The following SUCO variants were observed in gnomAD, a reference collection of about 807,000 sequenced individuals.
SUCO encodes the protein SUN domain-containing ossification factor.
Under a neutral mutation model 148.1 loss-of-function variants are expected in SUCO, and 57 were observed. The ratio of observed to expected loss-of-function variants is 0.38; its 90% CI spans 0.31 to 0.48. SUCO has a LOEUF of 0.48. SUCO is among the 20% of genes least tolerant of loss of function. The pLI is 0.96. For missense variants in SUCO, 1,331 were observed against 1,468.2 expected (o/e 0.91, Z 1.53); for synonymous variants, 470 against 502.7 (o/e 0.93, Z 0.87).
At chr1:172,592,255 T>C (rs1274115622) in intron 19 of SUCO, among the ~76,000 whole-genome samples, 1 of 152,232 alleles carries the variant, frequency 6.6e-6, no homozygotes, top group Non-Finnish European at 1.5e-5. Flanking sequence ...TAGTTTCTTT[T>C]GCTGTGCAGA....
At chr1:172,559,479 G>T (rs771382410) in intron 6 of SUCO, among the ~76,000 whole-genome samples, 1 of 152,156 alleles carries the variant, frequency 6.6e-6, no homozygotes, top group Non-Finnish European at 1.5e-5. Flanking sequence ...TCTTGGCTTA[G>T]CCCAGGAAAG....
chr1:172,595,958 T>A (rs998649038), intron 19 of SUCO, among the ~76,000 whole-genome samples: 2 of 152,228 alleles, frequency 1.3e-5, no homozygotes, highest in Non-Finnish European at 2.9e-5. Flanking sequence ...CCATATTTCT[T>A]GGAGTCCTTG....
rs545378461 is a variant in SUCO at position 172,602,492 on chromosome 1, A to T, written c.3174-204A>T. ...GCTTAAATGTGGAATTCAAAGGAAGAAGAGAATACTATTTTAATACAGTAC... is the reference window on the plus strand; with the variant it reads ...GCTTAAATGTGGAATTCAAAGGAAGTAGAGAATACTATTTTAATACAGTAC... On this transcript the variant is annotated intron_variant, in intron 21 of 23. Transcript: ENST00000263688. 1.2e-5 allele frequency: 12 copies of T among 982,486 alleles called. 1 individual carries two copies. In the Admixed American group the frequency reaches 7.4e-4, roughly 60 times the overall value. The allele number at this position is 982,486 out of a possible 1,614,324, so 60.9% of individuals were successfully genotyped here.
At chr1:172,558,661 T>A (rs1458634062) in intron 6 of SUCO, among the ~76,000 whole-genome samples, 1 of 152,208 alleles carries the variant, frequency 6.6e-6, no homozygotes, top group Non-Finnish European at 1.5e-5. Context: ...CTTACAAATA[T>A]AGGAGCTCAG....
intron 1 of SUCO, among the ~76,000 whole-genome samples, chr1:172,548,830 T>A (rs1653062532): frequency 6.6e-6 from 1 of 151,972 alleles, no homozygotes; most frequent in Non-Finnish European, 1.5e-5. Flanking sequence ...TGTTTTAATT[T>A]ATATGTGGTA....
chr1:172,611,209 T>G lies in SUCO; in HGVS notation c.*950T>G, dbSNP rs978998606. 2.0e-5 allele frequency: 3 copies of G among 152,644 alleles called. No homozygotes were observed. Among genetic ancestry groups the G allele is most frequent in the Non-Finnish European group, 4.4e-5 (3 of 68,046 alleles). 9.5% of individuals were successfully genotyped at this position (152,644 alleles called of 1,614,324 possible). A position where few individuals can be genotyped will look rare whatever the true frequency, so the allele number is the denominator to read the frequency against. On this transcript the variant is annotated 3_prime_UTR_variant, in exon 24 of 24. Transcript: ENST00000263688. ...TGCACAGATCCAGTTAGTGAGTTTG[T>G]CAAGCTTAATCTAATTGGTTAAGTC...
rs761218288 is a variant in SUCO, at chr1:172,589,344, A to T, written c.2243A>T (p.Glu748Val). The change falls in exon 18 of 24, where the codon GAA becomes GTA. Residue 748 changes from glutamate to valine, a missense_variant. Transcript: ENST00000263688. Reference sequence around the variant, plus strand: ...GAAATCAATCCCTTGCCTAAAATAGAAGTATCTGAGTCTGTTGAATATGAG... The same window carrying T: ...GAAATCAATCCCTTGCCTAAAATAGTAGTATCTGAGTCTGTTGAATATGAG... Reference protein sequence around the residue: ...TPEINPLPKIEVSESVEYEAG... With the variant: ...TPEINPLPKIVVSESVEYEAG... The T allele has an allele frequency of 1.9e-6, 3 of 1,613,516 alleles. No homozygotes were observed. Among genetic ancestry groups the T allele is most frequent in the African/African-American group, 2.7e-5 (2 of 74,882 alleles).
At chr1:172,583,037 A>T (rs1655984811) in intron 15 of SUCO, among the ~76,000 whole-genome samples, 1 of 152,178 alleles carries the variant, frequency 6.6e-6, no homozygotes, top group African/African-American at 2.4e-5. Context: ...CAAAGTATAT[A>T]AACTGTTGAT....
rs548969698 is a variant in SUCO at position 172,609,346 on chromosome 1, A to G, written c.3322-470A>G. The G allele has an allele frequency of 2.0e-5, 20 of 984,994 alleles. No individual in the cohort carries two copies. The African/African-American group carries it at 3.5e-4, about 17-fold the overall frequency. The allele number at this position is 984,994 out of a possible 1,614,324, so 61.0% of individuals were successfully genotyped here. A position where few individuals can be genotyped will look rare whatever the true frequency, so the allele number is the denominator to read the frequency against. On this transcript the variant is annotated intron_variant, in intron 23 of 23. Transcript: ENST00000263688. ...TTTTAGTTGTAATTTCATCTAGGTG[A>G]AAGAACTTGGGCTTTGTAGGCAAAT...
intron 22 of SUCO, among the ~76,000 whole-genome samples, chr1:172,606,254 T>C (rs1657856865): frequency 6.7e-6 from 1 of 149,230 alleles, no homozygotes. Context: ...TTATAAAAAT[T>C]AGATGGGCAG....
chr1:172,590,710 A>G (rs776056217), intron 18 of SUCO, among the ~76,000 whole-genome samples: 7 of 151,626 alleles, frequency 4.6e-5, no homozygotes, highest in Non-Finnish European at 8.8e-5. Flanking sequence ...TTGGCTAATC[A>G]TGTGTGTGTG....
At chr1:172,540,679 A>G (rs1344353370) in intron 1 of SUCO, among the ~76,000 whole-genome samples, 2 of 152,198 alleles carry the variant, frequency 1.3e-5, no homozygotes, top group Non-Finnish European at 2.9e-5. Context: ...TTCTGTGCAA[A>G]CAGGAGCTTC....
chr1:172,569,932 C>T, intron 7 of SUCO, 115 bp from the exon 8 acceptor site: 1 of 1,003,422 alleles, frequency 1.0e-6, no homozygotes. Flanking sequence ...AGTGTTAAAA[C>T]CTATTCTTTT....
intron 6 of SUCO, among the ~76,000 whole-genome samples, chr1:172,567,211 CTAAA>C (rs1654615213): frequency 6.6e-6 from 1 of 152,200 alleles, no homozygotes; most frequent in African/African-American, 2.4e-5. Context: ...CAAATATAAA[CTAAA>C]TGAGACTTAT....
At chr1:172,536,256 A>ACCGTAGTC (rs58427189) in intron 1 of SUCO, among the ~76,000 whole-genome samples, 1 of 152,128 alleles carries the variant, frequency 6.6e-6, no homozygotes, top group African/African-American at 2.4e-5. Context: ...GCTCCTGAGT[A>ACCGTAGTC]CTTTATAGGT....
chr1:172,533,391 C>A lies in SUCO; in HGVS notation c.-45C>A. On this transcript the variant is annotated 5_prime_UTR_variant, in exon 1 of 24. Coordinates refer to ENST00000263688, the MANE Select transcript of SUCO (RefSeq NM_014283.5). ...TCTTGGCCTCGGCAGTGGCGGCTGC[C>A]GGGAGGATGTGCCGCCTTCTGGCAG... The A allele has an allele frequency of 6.4e-7, 1 of 1,551,834 alleles. No individual in the cohort carries two copies. The highest frequency in any genetic ancestry group is 8.7e-7 in the Non-Finnish European group (1 of 1,147,152).
At chr1:172,564,218 A>G (rs1654393516) in intron 6 of SUCO, among the ~76,000 whole-genome samples, 1 of 152,244 alleles carries the variant, frequency 6.6e-6, no homozygotes, top group Admixed American at 6.5e-5. Flanking sequence ...CCCAATCCCC[A>G]GCATCCCCAC....
chr1:172,605,082 C>T (rs903310907), intron 22 of SUCO, among the ~76,000 whole-genome samples: 2 of 151,608 alleles, frequency 1.3e-5, no homozygotes, highest in Non-Finnish European at 3.0e-5. Context: ...GATTATAACC[C>T]CCATTAGATA....
Position 172,589,290 on chromosome 1 carries a change from C to T in SUCO, c.2189C>T (p.Ser730Phe). 1 of 1,613,632 alleles carries T rather than the reference C, an allele frequency of 6.2e-7. No homozygotes were observed. ...ELEPSHSQTLSQSLLLDITPE... is the reference protein window; with the variant it reads ...ELEPSHSQTLFQSLLLDITPE... ...GAACCAAGCCATTCTCAAACTCTTT[C>T]TCAGTCTCTTCTTTTAGATATTACC... Residue 730 changes from serine (S) to phenylalanine (F), a missense_variant, in exon 18 of 24, where the codon TCT becomes TTT. This residue lies in a region of SUCO where 992 missense variants were observed against 1,093.5 expected (regional missense o/e 0.91). Coordinates refer to ENST00000263688, the MANE Select transcript of SUCO (RefSeq NM_014283.5).
Sources: allele counts gnomAD v4.1 joint callset (sites outside exome capture counted in the v4.1 genomes callset), GRCh38; gene constraint gnomAD v4.1.1; regional missense constraint gnomAD v4.1.1; transcripts MANE v1.5; gene names NCBI Gene and HGNC (gene_info 2026-07-23, HGNC 2026-07-21).